Variants in AKAP6 observed in about 807,000 individuals in gnomAD.
AKAP6 encodes A-kinase anchoring protein 6, also known as A-kinase anchor protein 6.
In AKAP6, 58 loss-of-function variants were observed where a neutral mutation model predicts 188.5. That is an observed-to-expected ratio of 0.31 (90% CI 0.25 to 0.38). The LOEUF (loss-of-function observed/expected upper bound fraction) is 0.38. Ranked by LOEUF, AKAP6 falls within the 10% of genes least tolerant of loss-of-function variation. AKAP6 has a pLI of 1.00. For synonymous variants in AKAP6, 989 were observed against 998.6 expected, an observed-to-expected ratio of 0.99 and a Z score of 0.18; for missense variants, 2,710 against 2,740.0, an observed-to-expected ratio of 0.99 and a Z score of 0.24.
chr14:32,563,703 T>C (rs2139216185), intron 4 of AKAP6, among the ~76,000 whole-genome samples: 1 of 152,292 alleles, frequency 6.6e-6, no homozygotes, highest in Non-Finnish European at 1.5e-5. Context: ...CTGCACCCTC[T>C]TCTCTGTAAG....
chr14:32,583,325 C>T (rs960597778), intron 5 of AKAP6, among the ~76,000 whole-genome samples: 3 of 152,192 alleles, frequency 2.0e-5, no homozygotes, highest in Non-Finnish European at 4.4e-5. Context: ...ACCGCGAATG[C>T]TGCTGTGTGA....
rs1389482814 is a variant in AKAP6 at position 32,822,965 on chromosome 14, T to C, written c.5152T>C (p.Phe1718Leu). Reference sequence around the variant, plus strand: ...CAAGATCCCGGAATCGAATGCATCGTTCAGGAAGCGTCTGACTCGTTCAGT... The same window carrying C: ...CAAGATCCCGGAATCGAATGCATCGCTCAGGAAGCGTCTGACTCGTTCAGT... ...KNKIPESNAS[F>L]RKRLTRSVAD... The change falls in exon 13 of 14, where the codon TTC becomes CTC. Residue 1718 changes from phenylalanine (F) to leucine (L), a missense_variant. By Grantham distance (22) the Phe-to-Leu change is conservative. Transcript: ENST00000280979. The C allele has an allele frequency of 5.6e-6, 9 of 1,613,768 alleles. 1 individual carries two copies. In the African/African-American group the frequency reaches 1.2e-4, roughly 22 times the overall value.
intron 9 of AKAP6, among the ~76,000 whole-genome samples, chr14:32,729,495 G>C (rs2031065249): frequency 6.6e-6 from 1 of 151,940 alleles, no homozygotes. Flanking sequence ...AAAATGGTGG[G>C]CTAGAGTTTG....
chr14:32,559,177 C>G (rs1222610011), intron 4 of AKAP6, among the ~76,000 whole-genome samples: 1 of 152,100 alleles, frequency 6.6e-6, no homozygotes, highest in African/African-American at 2.4e-5. Context: ...GAACTTTATT[C>G]TCTAGATCAG....
chr14:32,746,319 C>G (rs993554345), intron 11 of AKAP6, among the ~76,000 whole-genome samples: 1 of 152,156 alleles, frequency 6.6e-6, no homozygotes, highest in Non-Finnish European at 1.5e-5. Context: ...ATCCAAGGCC[C>G]TCTACATAGT....
At chr14:32,566,429 C>T (rs1177277861) in intron 4 of AKAP6, among the ~76,000 whole-genome samples, 1 of 151,990 alleles carries the variant, frequency 6.6e-6, no homozygotes, top group Non-Finnish European at 1.5e-5. Context: ...CTCAATAATT[C>T]TGAATAGGAG....
At chr14:32,515,578 C>T (rs1338516527) in intron 2 of AKAP6, among the ~76,000 whole-genome samples, 2 of 152,084 alleles carry the variant, frequency 1.3e-5, no homozygotes, top group Admixed American at 1.3e-4. Flanking sequence ...AATCTTTGGG[C>T]TTGAGAGTAC....
intron 8 of AKAP6, among the ~76,000 whole-genome samples, chr14:32,687,410 C>G (rs1594848114): frequency 8.2e-6 from 1 of 122,278 alleles, no homozygotes; most frequent in African/African-American, 5.3e-5. Flanking sequence ...ATCTCTCTCT[C>G]TCTCTCTCTC....
intron 4 of AKAP6, among the ~76,000 whole-genome samples, chr14:32,569,031 G>C (rs1884338193): frequency 6.6e-6 from 1 of 152,112 alleles, no homozygotes; most frequent in Non-Finnish European, 1.5e-5. Flanking sequence ...ATAAGAGTTA[G>C]GAATCTTTCT....
At chr14:32,658,705 C>G (rs565577933) in intron 7 of AKAP6, among the ~76,000 whole-genome samples, 2 of 150,378 alleles carry the variant, frequency 1.3e-5, no homozygotes, top group Non-Finnish European at 3.0e-5. Context: ...TTAAATAACA[C>G]TCTTAGGGGT....
intron 7 of AKAP6, among the ~76,000 whole-genome samples, chr14:32,634,144 AG>A (rs1211659829): frequency 1.3e-5 from 2 of 152,112 alleles, no homozygotes; most frequent in Non-Finnish European, 2.9e-5. Context: ...GACTGAACCC[AG>A]GTCCCAGTGC....
intron 3 of AKAP6, among the ~76,000 whole-genome samples, chr14:32,540,168 C>CTCTCTCTCTCTATATATATA (rs1240063339): frequency 3.8e-4 from 23 of 60,890 alleles, no homozygotes; most frequent in African/African-American, 2.0e-3. Flanking sequence ...CTCTCTCTCT[C>CTCTCTCTCTCTATATATATA]TATATATATA....
intron 7 of AKAP6, among the ~76,000 whole-genome samples, chr14:32,668,108 G>A (rs1889027608): frequency 6.6e-6 from 1 of 152,120 alleles, no homozygotes. Flanking sequence ...GGATGCCTAT[G>A]TCATTGTGCA....
At position 32,824,736 on chromosome 14, in the gene AKAP6, A is replaced by G. The variant is rs1469611746; in HGVS notation, c.6923A>G (p.Asn2308Ser). ...TTAACCTGTGAAGAAAATCTTCTAAACCTTCATGAAAAACGACATAGAAAT... is the reference window on the plus strand; with the variant it reads ...TTAACCTGTGAAGAAAATCTTCTAAGCCTTCATGAAAAACGACATAGAAAT... The part of the protein sequence containing the change: ...KTLTCEENLL[N>S]LHEKRHRNMH... Residue 2308 changes from asparagine to serine, a missense_variant, in exon 13 of 14, where the codon AAC becomes AGC. Physicochemically the swap from Asn to Ser is conservative, Grantham distance 46 (BLOSUM62 1). Transcript: ENST00000280979. 1 of 1,612,250 alleles carries G rather than the reference A, an allele frequency of 6.2e-7. No homozygotes were observed. The highest frequency in any genetic ancestry group is 1.3e-5 in the African/African-American group (1 of 74,742).
At chr14:32,524,700 G>A in intron 2 of AKAP6, among the ~76,000 whole-genome samples, 1 of 152,170 alleles carries the variant, frequency 6.6e-6, no homozygotes, top group East Asian at 1.9e-4. Context: ...ATATATTTGT[G>A]TAATATCAGT....
At chr14:32,547,434 C>T (rs1883250685) in intron 4 of AKAP6, among the ~76,000 whole-genome samples, 1 of 152,144 alleles carries the variant, frequency 6.6e-6, no homozygotes, top group Non-Finnish European at 1.5e-5. Flanking sequence ...CCAATGTTAA[C>T]TTCTTGTAGA....
intron 7 of AKAP6, among the ~76,000 whole-genome samples, chr14:32,665,558 C>T (rs758018984): frequency 1.6e-4 from 24 of 152,164 alleles, no homozygotes; most frequent in Non-Finnish European, 3.1e-4. Flanking sequence ...ATTCACTGAA[C>T]TCTGTCCTCT....
intron 4 of AKAP6, among the ~76,000 whole-genome samples, chr14:32,565,288 C>T (rs1449897980): frequency 6.6e-6 from 1 of 152,160 alleles, no homozygotes; most frequent in African/African-American, 2.4e-5. Flanking sequence ...TCCTGCAAAA[C>T]TATTTTTGTA....
intron 7 of AKAP6, among the ~76,000 whole-genome samples, chr14:32,624,803 C>T (rs1297247997): frequency 6.6e-6 from 1 of 152,052 alleles, no homozygotes; most frequent in African/African-American, 2.4e-5. Flanking sequence ...TTGCTATTAA[C>T]TTGTTGGCAC....
Sources: gnomAD v4.1 joint callset for allele counts (sites outside exome capture counted in the v4.1 genomes callset) on GRCh38, gnomAD v4.1.1 for gene constraint, MANE v1.5 for transcripts, NCBI Gene and HGNC (gene_info 2026-07-23, HGNC 2026-07-21) for gene names.